The following B3GALT1 variants were observed in gnomAD, a reference collection of about 807,000 sequenced individuals.
The protein encoded by B3GALT1 is UDP-Gal:betaGlcNAc beta 1,3-galactosyltransferase, polypeptide 1.
In B3GALT1, 10 loss-of-function variants were observed where a neutral mutation model predicts 23.2. The observed-to-expected ratio is 0.43, with a 90% CI of 0.27 to 0.73. The LOEUF is 0.73. B3GALT1 is among the 30% of genes least tolerant of loss of function. The pLI is 0.21. For missense variants in B3GALT1, 299 were observed against 405.4 expected, an observed-to-expected ratio of 0.74 and a Z score of 2.25; for synonymous variants, 156 against 141.5, an observed-to-expected ratio of 1.10 and a Z score of -0.73.
chr2:167,407,670 A>G (rs1698307276), intron 1 of B3GALT1, among the ~76,000 whole-genome samples: 1 of 152,140 alleles, frequency 6.6e-6, no homozygotes, highest in African/African-American at 2.4e-5. Flanking sequence ...CTGAGACATC[A>G]GAAATACAAA....
intron 3 of B3GALT1, among the ~76,000 whole-genome samples, chr2:167,765,073 G>A (rs745390655): frequency 4.7e-4 from 71 of 152,238 alleles, no homozygotes; most frequent in Non-Finnish European, 8.5e-4. Flanking sequence ...TAGGGACTCC[G>A]TCCAGTTCTA....
At chr2:167,668,296 C>T (rs1686247827) in intron 3 of B3GALT1, among the ~76,000 whole-genome samples, 1 of 152,082 alleles carries the variant, frequency 6.6e-6, no homozygotes, top group Non-Finnish European at 1.5e-5. Context: ...CTTGAGGAGG[C>T]AGTTTGCCCG....
chr2:167,548,282 T>A (rs1486121005), intron 2 of B3GALT1, among the ~76,000 whole-genome samples: 1 of 152,080 alleles, frequency 6.6e-6, no homozygotes, highest in Non-Finnish European at 1.5e-5. Context: ...GAGAAGGAAA[T>A]CAAAAAGAGA....
chr2:167,340,073 C>T (rs1198794346), intron 1 of B3GALT1, among the ~76,000 whole-genome samples: 1 of 152,102 alleles, frequency 6.6e-6, no homozygotes. Context: ...TTTGTGAAAA[C>T]AGAGTGCATT....
intron 4 of B3GALT1, among the ~76,000 whole-genome samples, chr2:167,859,206 A>G (rs960403975): frequency 9.9e-5 from 15 of 152,180 alleles, no homozygotes; most frequent in African/African-American, 2.9e-4. Context: ...TAATGATTAA[A>G]TAAGTGATTG....
chr2:167,566,652 G>C (rs182210966), intron 2 of B3GALT1, among the ~76,000 whole-genome samples: 1 of 152,238 alleles, frequency 6.6e-6, no homozygotes, highest in African/African-American at 2.4e-5. Flanking sequence ...TGAGCCATAT[G>C]AGTAGTTAAT....
At position 167,872,053 on chromosome 2, in the gene B3GALT1, C is replaced by T. The variant is rs1690360467; in HGVS notation, c.*2033C>T. 1 of 151,384 alleles carries T rather than the reference C, an allele frequency of 6.6e-6. No individual in the cohort carries two copies. Among genetic ancestry groups the T allele is most frequent in the South Asian group, 2.1e-4 (1 of 4,800 alleles). The allele number at this position is 151,384 out of a possible 1,614,324, so 9.4% of individuals were successfully genotyped here. ...AGTAGCTGGGACTACAGGCGCCCGC[C>T]ATCACGCCCGGCTAATTTTTTTGTA... is the stretch of plus-strand genomic sequence containing the variant. On this transcript the variant is annotated 3_prime_UTR_variant, in exon 5 of 5. Coordinates refer to ENST00000392690, the MANE Select transcript of B3GALT1 (RefSeq NM_020981.4).
intron 2 of B3GALT1, among the ~76,000 whole-genome samples, chr2:167,556,674 G>A (rs573355323): frequency 1.2e-4 from 18 of 152,256 alleles, no homozygotes; most frequent in East Asian, 1.9e-4. Context: ...AGGAAACAAC[G>A]CAGTGAGTAG....
chr2:167,460,871 G>A (rs1412327335), intron 1 of B3GALT1, among the ~76,000 whole-genome samples: 1 of 152,146 alleles, frequency 6.6e-6, no homozygotes. Flanking sequence ...TCTTTTCTGA[G>A]CCTGTGCCTT....
chr2:167,668,418 G>C (rs1364564126), intron 3 of B3GALT1, among the ~76,000 whole-genome samples: 1 of 152,168 alleles, frequency 6.6e-6, no homozygotes, highest in African/African-American at 2.4e-5. Context: ...TCTGTGCCCT[G>C]CCCCCAGAGG....
chr2:167,582,719 G>A (rs901503796), intron 2 of B3GALT1, among the ~76,000 whole-genome samples: 1 of 152,114 alleles, frequency 6.6e-6, no homozygotes, highest in African/African-American at 2.4e-5. Context: ...CTGAGTCTGT[G>A]CTGGCAGGAG....
intron 1 of B3GALT1, among the ~76,000 whole-genome samples, chr2:167,332,171 G>A (rs1414121994): frequency 1.3e-5 from 2 of 152,112 alleles, no homozygotes; most frequent in African/African-American, 4.8e-5. Context: ...ACCTCCCATG[G>A]CTAGGATTAT....
chr2:167,596,078 C>T (rs970273978), intron 2 of B3GALT1, among the ~76,000 whole-genome samples: 8 of 152,240 alleles, frequency 5.3e-5, no homozygotes, highest in African/African-American at 1.9e-4. Flanking sequence ...ATTGGTCTCC[C>T]GAGGAGAGAA....
At chr2:167,619,478 G>A (rs538906195) in intron 2 of B3GALT1, among the ~76,000 whole-genome samples, 15 of 152,102 alleles carry the variant, frequency 9.9e-5, no homozygotes, top group South Asian at 4.1e-4. Context: ...GTGCCTGACC[G>A]TAATAGCTAC....
At chr2:167,677,262 T>G (rs2105489247) in intron 3 of B3GALT1, among the ~76,000 whole-genome samples, 1 of 152,236 alleles carries the variant, frequency 6.6e-6, no homozygotes, top group African/African-American at 2.4e-5. Flanking sequence ...TGGGTATATA[T>G]CTCATAACAC....
At chr2:167,557,154 T>A (rs963796551) in intron 2 of B3GALT1, among the ~76,000 whole-genome samples, 5 of 152,032 alleles carry the variant, frequency 3.3e-5, no homozygotes, top group South Asian at 4.1e-4. Flanking sequence ...TTTTTTTTTT[T>A]AATTCTGTTT....
intron 3 of B3GALT1, among the ~76,000 whole-genome samples, chr2:167,710,209 T>C (rs971221902): frequency 6.6e-6 from 1 of 152,208 alleles, no homozygotes; most frequent in Non-Finnish European, 1.5e-5. Context: ...CAAGAAAAAC[T>C]TATTTTAAAT....
chr2:167,676,516 T>TACACAC (rs34764364), intron 3 of B3GALT1, among the ~76,000 whole-genome samples: 2,563 of 145,164 alleles, frequency 0.018, 44 homozygotes, highest in African/African-American at 0.029. Context: ...TGTATGTTTA[T>TACACAC]ACACACACAC....
At chr2:167,662,164 A>T (rs1301272780) in intron 3 of B3GALT1, among the ~76,000 whole-genome samples, 6 of 152,044 alleles carry the variant, frequency 3.9e-5, no homozygotes, top group African/African-American at 1.4e-4. Context: ...AAATAAAAAT[A>T]TTGTTATAAT....
Sources: allele counts gnomAD v4.1 joint callset (sites outside exome capture counted in the v4.1 genomes callset), GRCh38; gene constraint gnomAD v4.1.1; transcripts MANE v1.5; gene names NCBI Gene and HGNC (gene_info 2026-07-23, HGNC 2026-07-21).